CAMK1D: variants seen among roughly 807,000 people sequenced by gnomAD.
CAMK1D encodes the protein calcium/calmodulin-dependent protein kinase type 1D.
In CAMK1D, 9 loss-of-function variants were observed where a neutral mutation model predicts 47.7. The observed-to-expected ratio is 0.19, with a 90% CI of 0.11 to 0.33. The LOEUF is 0.33. Ranked by LOEUF, CAMK1D falls within the 10% of genes least tolerant of loss-of-function variation. The pLI is 1.00. For missense variants in CAMK1D, 291 were observed against 488.7 expected, an observed-to-expected ratio of 0.60 and a Z score of 3.81; for synonymous variants, 184 against 184.9, an observed-to-expected ratio of 0.99 and a Z score of 0.04.
At chr10:12,693,395 A>G (rs776734363) in intron 3 of CAMK1D, among the ~76,000 whole-genome samples, 9 of 151,990 alleles carry the variant, frequency 5.9e-5, no homozygotes, top group Non-Finnish European at 1.2e-4. Context: ...AGGTTTTCCC[A>G]AAGAAGACAG....
chr10:12,353,427 A>G (rs1837408908), intron 1 of CAMK1D, among the ~76,000 whole-genome samples: 1 of 152,144 alleles, frequency 6.6e-6, no homozygotes. Context: ...TCTGATATCC[A>G]CTGCCTTATC....
At chr10:12,738,895 A>G (rs1217694582) in intron 3 of CAMK1D, among the ~76,000 whole-genome samples, 6 of 152,130 alleles carry the variant, frequency 3.9e-5, no homozygotes, top group Non-Finnish European at 7.4e-5. Context: ...GCAAACTTCA[A>G]AATTACCTTA....
At chr10:12,787,053 G>A (rs987313124) in intron 5 of CAMK1D, among the ~76,000 whole-genome samples, 2 of 152,290 alleles carry the variant, frequency 1.3e-5, no homozygotes, top group Admixed American at 1.3e-4. Flanking sequence ...AACCTGGGAG[G>A]CAGAGGTTGC....
At position 12,740,622 on chromosome 10, in the gene CAMK1D, T is replaced by C. The variant is rs80284634; in HGVS notation, c.300-20326T>C. ...CAAAAGAAAAAAAAAGAAAAGAAACTGGGAGATGGAGCTGGAAAGGCAGGT... is the reference window on the plus strand; with the variant it reads ...CAAAAGAAAAAAAAAGAAAAGAAACCGGGAGATGGAGCTGGAAAGGCAGGT... On this transcript the variant is annotated intron_variant, in intron 3 of 10. Transcript: ENST00000619168. Among the ~76,000 whole-genome samples, 1,129 of 151,524 alleles carry C rather than the reference T, an allele frequency of 7.5e-3. 18 individuals are homozygous for C. The highest frequency in any genetic ancestry group is 0.026 in the African/African-American group (1,075 of 41,308).
At chr10:12,521,824 C>T (rs1835424471) in intron 1 of CAMK1D, among the ~76,000 whole-genome samples, 3 of 152,174 alleles carry the variant, frequency 2.0e-5, no homozygotes, top group Admixed American at 6.5e-5. Flanking sequence ...ATTCTTTTAT[C>T]ATTATATGAC....
rs1404284891 is a variant in CAMK1D, at chr10:12,694,299, T to TGTATA, written c.299+27489_299+27490insGTATA. Among the ~76,000 whole-genome samples, 122 of 71,786 alleles carry TGTATA rather than the reference T, an allele frequency of 1.7e-3. 3 individuals carry two copies. Among genetic ancestry groups the TGTATA allele is most frequent in the South Asian group, 3.1e-3 (6 of 1,928 alleles). The allele number at this position is 71,786 out of a possible 152,430, so 47.1% of individuals were successfully genotyped here. A position where few individuals can be genotyped will look rare whatever the true frequency, so the allele number is the denominator to read the frequency against. ...TATACATAATATAAAATATATATTA[T>TGTATA]ATATAAAATATATAAAATATAATAT... On this transcript the variant is annotated intron_variant, in intron 3 of 10. Transcript: ENST00000619168.
intron 2 of CAMK1D, among the ~76,000 whole-genome samples, chr10:12,618,113 A>G (rs1209811263): frequency 6.6e-6 from 1 of 152,154 alleles, no homozygotes; most frequent in Non-Finnish European, 1.5e-5. Flanking sequence ...CCAGTGGTTC[A>G]TGATTAGCAG....
intron 1 of CAMK1D, among the ~76,000 whole-genome samples, chr10:12,366,371 TG>T (rs1444046431): frequency 2.0e-5 from 3 of 152,034 alleles, no homozygotes; most frequent in African/African-American, 7.2e-5. Flanking sequence ...AATCAGTTGT[TG>T]GGCTGGGCTC....
At chr10:12,512,901 G>T (rs1176247407) in intron 1 of CAMK1D, among the ~76,000 whole-genome samples, 2 of 152,264 alleles carry the variant, frequency 1.3e-5, no homozygotes, top group East Asian at 3.9e-4. Flanking sequence ...CATAATAGAT[G>T]GACCGGAGCG....
intron 2 of CAMK1D, among the ~76,000 whole-genome samples, chr10:12,563,706 A>AGG (rs1471374149): frequency 2.8e-4 from 42 of 151,130 alleles, no homozygotes; most frequent in African/African-American, 1.0e-3. Flanking sequence ...AGAGGGAGAG[A>AGG]GAGGGAGAGA....
At chr10:12,785,898 C>G (rs1340548325) in intron 5 of CAMK1D, among the ~76,000 whole-genome samples, 1 of 152,216 alleles carries the variant, frequency 6.6e-6, no homozygotes, top group Non-Finnish European at 1.5e-5. Context: ...AACAGTGCAG[C>G]TGACTCCCGA....
intron 2 of CAMK1D, among the ~76,000 whole-genome samples, chr10:12,613,221 G>A (rs1055762437): frequency 6.6e-6 from 1 of 152,178 alleles, no homozygotes; most frequent in Non-Finnish European, 1.5e-5. Flanking sequence ...CAGAAGTTTA[G>A]GAATGCATAT....
At chr10:12,682,641 T>A (rs1355479585) in intron 3 of CAMK1D, among the ~76,000 whole-genome samples, 1 of 152,148 alleles carries the variant, frequency 6.6e-6, no homozygotes, top group Admixed American at 6.5e-5. Flanking sequence ...TTGAAGAAGG[T>A]GTGGACAATT....
At chr10:12,511,857 A>T (rs754735920) in intron 1 of CAMK1D, among the ~76,000 whole-genome samples, 42 of 152,254 alleles carry the variant, frequency 2.8e-4, no homozygotes, top group Non-Finnish European at 5.6e-4. Context: ...CCTCTCGCCA[A>T]GCCAGCGGCA....
intron 1 of CAMK1D, among the ~76,000 whole-genome samples, chr10:12,468,917 G>A (rs754828358): frequency 1.1e-4 from 16 of 152,114 alleles, no homozygotes; most frequent in Non-Finnish European, 2.2e-4. Context: ...GAGGGCTGGG[G>A]GTGCTTCTTT....
At chr10:12,756,382 C>T (rs1836227775) in intron 3 of CAMK1D, among the ~76,000 whole-genome samples, 1 of 152,212 alleles carries the variant, frequency 6.6e-6, no homozygotes, top group Non-Finnish European at 1.5e-5. Flanking sequence ...TGCATACTGA[C>T]TCTATTAGAC....
At chr10:12,827,276 CTTTTCTTT>C (rs758023988) in intron 10 of CAMK1D, among the ~76,000 whole-genome samples, 1 of 135,898 alleles carries the variant, frequency 7.4e-6, no homozygotes, top group African/African-American at 2.8e-5. Flanking sequence ...CCTTCTCTTT[CTTTTCTTT>C]TTCTTTCTTT....
chr10:12,651,140 CT>C, intron 2 of CAMK1D, among the ~76,000 whole-genome samples: 1 of 152,310 alleles, frequency 6.6e-6, no homozygotes, highest in African/African-American at 2.4e-5. Context: ...CGTCCTCCCC[CT>C]GAGACAAATC....
At chr10:12,653,112 G>A (rs569793576) in intron 2 of CAMK1D, 1 of 154,330 alleles carries the variant, frequency 6.5e-6, no homozygotes, top group East Asian at 1.9e-4. Context: ...CTGAGGCATT[G>A]TGGGGCATCA....
Sources: gnomAD v4.1 joint callset for allele counts (sites outside exome capture counted in the v4.1 genomes callset) on GRCh38, gnomAD v4.1.1 for gene constraint, MANE v1.5 for transcripts, NCBI Gene and HGNC (gene_info 2026-07-23, HGNC 2026-07-21) for gene names.